The following SMC1B variants were observed in gnomAD, a reference collection of about 807,000 sequenced individuals.
SMC1B encodes structural maintenance of chromosomes protein 1B.
Under a neutral mutation model 157.9 loss-of-function variants are expected in SMC1B, and 60 were observed. The ratio of observed to expected loss-of-function variants is 0.38; its 90% CI spans 0.31 to 0.47. The LOEUF is 0.47. Among genes scored for constraint, SMC1B ranks in the 20% least tolerant of loss-of-function variants. The pLI, the probability that SMC1B is intolerant of heterozygous loss-of-function variation, is 0.99. For missense variants in SMC1B, 1,165 were observed against 1,426.2 expected (o/e 0.82, Z 2.95); for synonymous variants, 445 against 483.0 (o/e 0.92, Z 1.03).
chr22:45,344,477 A>G lies in SMC1B; in HGVS notation c.*79T>C. 9.6e-7 allele frequency: 1 copy of G among 1,042,296 alleles called. No homozygotes were observed. Among genetic ancestry groups the G allele is most frequent in the Non-Finnish European group, 1.5e-6 (1 of 671,216 alleles). The allele number at this position is 1,042,296 out of a possible 1,614,324, so 64.6% of individuals were successfully genotyped here. ...GCACCAGGCTGGTCCTGCTTGCTCC[A>G]GAAGTCTCCTGTGGAGGAGCTGTGT... On this transcript the variant is annotated 3_prime_UTR_variant, in exon 25 of 25. Transcript: ENST00000357450.
chr22:45,395,945 CTT>C (rs2087118663), intron 7 of SMC1B, among the ~76,000 whole-genome samples: 1 of 152,086 alleles, frequency 6.6e-6, no homozygotes, highest in South Asian at 2.1e-4. Context: ...CCAGGGAAGG[CTT>C]TGCGGTGTTG....
chr22:45,413,190 C>T (rs1569204767), intron 1 of SMC1B, among the ~76,000 whole-genome samples: 1 of 151,100 alleles, frequency 6.6e-6, no homozygotes, highest in Admixed American at 6.6e-5. Flanking sequence ...GAGGCGGGGC[C>T]GAGTGGAAGG....
At chr22:45,387,160 T>C (rs1297647434) in intron 10 of SMC1B, 114 bp from the exon 11 acceptor site, 4 of 936,892 alleles carry the variant, frequency 4.3e-6, no homozygotes, top group Non-Finnish European at 6.3e-6. Context: ...ATCAACAGTA[T>C]GTACCCAGCC....
intron 15 of SMC1B, among the ~76,000 whole-genome samples, chr22:45,368,869 A>C (rs2086801395): frequency 6.6e-6 from 1 of 152,154 alleles, no homozygotes; most frequent in African/African-American, 2.4e-5. Context: ...CACTGAAGTT[A>C]CATGTGCCTT....
intron 12 of SMC1B, among the ~76,000 whole-genome samples, chr22:45,377,223 G>A (rs561023726): frequency 6.6e-5 from 10 of 152,102 alleles, no homozygotes; most frequent in African/African-American, 1.4e-4. Context: ...GTATGTTTGC[G>A]TCTAGCTTTT....
intron 21 of SMC1B, among the ~76,000 whole-genome samples, chr22:45,352,809 A>G (rs1235731953): frequency 2.6e-5 from 4 of 152,204 alleles, no homozygotes; most frequent in Non-Finnish European, 5.9e-5. Flanking sequence ...ACACTCTCCT[A>G]ACATACCCAG....
chr22:45,409,276 G>A lies in SMC1B; in HGVS notation c.110-378C>T, dbSNP rs1467014795. ...ATCCTCTTATACTCTAAAAAAGAGA[G>A]GCTAAGGCTGGACGCGGTGGCTCAT... On this transcript the variant is annotated intron_variant, in intron 1 of 24. Coordinates refer to ENST00000357450, the MANE Select transcript of SMC1B (RefSeq NM_148674.5). Among the ~76,000 whole-genome samples the A allele has an allele frequency of 3.9e-5, 6 of 152,200 alleles. No homozygotes were observed. The East Asian group carries it at 9.7e-4, about 25-fold the overall frequency.
chr22:45,349,829 A>T (rs1345531079), intron 22 of SMC1B, 32 bp from the exon 23 acceptor site: 43 of 1,520,142 alleles, frequency 2.8e-5, no homozygotes, highest in Non-Finnish European at 3.9e-5. Context: ...GTAAGTTACA[A>T]TTTTCTATTT....
Position 45,386,887 on chromosome 22 carries a change from T to C in SMC1B, c.1891A>G (p.Ser631Gly). ...CTTACTTTCTGTCTTTCAGGTCCAC[T>C]GAGTGCAATATGCCTTGCTTCTTCC... is the stretch of plus-strand genomic sequence containing the variant. ...TMEEARHIAL[S>G]GPERQKTVAL... is the part of the protein sequence containing the mutation. Residue 631 changes from serine to glycine, a missense_variant, in exon 11 of 25, where the codon AGT becomes GGT. Ser to Gly is a moderately conservative substitution (Grantham distance 56). Coordinates refer to ENST00000357450, the MANE Select transcript of SMC1B (RefSeq NM_148674.5). 2 of 1,613,824 alleles carry C rather than the reference T, an allele frequency of 1.2e-6. No individual in the cohort carries two copies. Among genetic ancestry groups the C allele is most frequent in the African/African-American group, 1.3e-5 (1 of 75,060 alleles).
intron 12 of SMC1B, among the ~76,000 whole-genome samples, chr22:45,372,503 T>C (rs765206710): frequency 9.2e-5 from 14 of 152,228 alleles, no homozygotes; most frequent in Non-Finnish European, 1.5e-4. Context: ...AAACTAACAG[T>C]GCTTAATAGG....
intron 17 of SMC1B, among the ~76,000 whole-genome samples, chr22:45,360,446 A>C (rs971773189): frequency 7.9e-5 from 12 of 152,206 alleles, no homozygotes; most frequent in Non-Finnish European, 1.8e-4. Context: ...GGACCAAAAG[A>C]AAATGGAAAA....
rs2087035651 is a variant in SMC1B, at chr22:45,389,760, C to T, written c.1683G>A (p.Lys561=). 1 of 1,614,092 alleles carries T rather than the reference C, an allele frequency of 6.2e-7. No homozygotes were observed. Among genetic ancestry groups the T allele is most frequent in the Non-Finnish European group, 8.5e-7 (1 of 1,180,012 alleles). ...KVAKDCIRFL[K]EERAEPETFL... is the part of the protein sequence containing the mutation. ...ATGTCTCAGGTTCAGCTCTTTCCTC[C>T]TTCAGAAATCGAATACAATCTTTTG... is the stretch of plus-strand genomic sequence containing the variant. Residue 561 remains lysine, a synonymous_variant, in exon 10 of 25, where the codon AAG becomes AAA. Transcript: ENST00000357450.
chr22:45,344,727 TAGTG>T (rs1347092689), intron 24 of SMC1B, 70 bp from the exon 25 acceptor site: 1 of 1,015,924 alleles, frequency 9.8e-7, no homozygotes, highest in Non-Finnish European at 1.6e-6. Flanking sequence ...TAAGAGCCAT[TAGTG>T]AGTCTAGAAT....
intron 17 of SMC1B, among the ~76,000 whole-genome samples, chr22:45,360,808 C>T (rs1815799971): frequency 2.0e-5 from 3 of 152,146 alleles, no homozygotes; most frequent in Non-Finnish European, 4.4e-5. Flanking sequence ...TGTGAAATGC[C>T]AAAAGGCTGA....
intron 6 of SMC1B, among the ~76,000 whole-genome samples, chr22:45,398,332 G>A (rs136610): frequency 0.12 from 17,953 of 152,196 alleles, 1,211 homozygotes; most frequent in South Asian, 0.21. Flanking sequence ...CAGCTGGCTG[G>A]AAACTAAACT....
intron 20 of SMC1B, among the ~76,000 whole-genome samples, chr22:45,354,365 TGTATGTATGTATGTATGTAA>T (rs1274301458): frequency 6.6e-6 from 1 of 151,234 alleles, no homozygotes; most frequent in Non-Finnish European, 1.5e-5. Context: ...TGATAGGGTA[TGTATGTATGTATGTATGTAA>T]GTATGTATGT....
chr22:45,400,149 C>A (rs1242286879), intron 5 of SMC1B, among the ~76,000 whole-genome samples: 1 of 152,054 alleles, frequency 6.6e-6, no homozygotes, highest in African/African-American at 2.4e-5. Context: ...AGCCTAGAAG[C>A]AAGGACACTC....
chr22:45,406,004 C>T (rs1382129036), intron 4 of SMC1B, among the ~76,000 whole-genome samples: 1 of 152,098 alleles, frequency 6.6e-6, no homozygotes, highest in Non-Finnish European at 1.5e-5. Context: ...CATAAAAATG[C>T]TATTTATATT....
At chr22:45,347,480 T>C (rs2086564033) in intron 23 of SMC1B, among the ~76,000 whole-genome samples, 1 of 152,146 alleles carries the variant, frequency 6.6e-6, no homozygotes, top group Non-Finnish European at 1.5e-5. Context: ...GAGTAAGCAA[T>C]CAAGGAGGTC....
Sources: gnomAD v4.1 joint callset for allele counts (sites outside exome capture counted in the v4.1 genomes callset) on GRCh38, gnomAD v4.1.1 for gene constraint, MANE v1.5 for transcripts, NCBI Gene and HGNC (gene_info 2026-07-23, HGNC 2026-07-21) for gene names.